Variants in LRP1B observed in about 807,000 individuals in gnomAD.
The protein encoded by LRP1B is low-density lipoprotein receptor-related protein 1B.
LRP1B carries 217 observed loss-of-function variants against 556.6 expected under a neutral mutation model. The observed-to-expected ratio is 0.39, with a 90% CI of 0.35 to 0.44. The LOEUF is 0.44. Ranked by LOEUF, LRP1B falls within the 20% of genes least tolerant of loss-of-function variation. LRP1B has a pLI of 1.00. For synonymous variants in LRP1B, 2,047 were observed against 1,865.8 expected (o/e 1.10, Z -2.50); for missense variants, 5,053 against 5,620.8 (o/e 0.90, Z 3.23).
chr2:141,913,315 G>C (rs1699951790), intron 1 of LRP1B, among the ~76,000 whole-genome samples: 1 of 152,172 alleles, frequency 6.6e-6, no homozygotes, highest in Non-Finnish European at 1.5e-5. Flanking sequence ...GAGACAGTGA[G>C]TTGCAGTCAA....
chr2:141,796,415 C>T (rs1695813517), intron 2 of LRP1B, among the ~76,000 whole-genome samples: 1 of 151,854 alleles, frequency 6.6e-6, no homozygotes, highest in Non-Finnish European at 1.5e-5. Flanking sequence ...AAACTGCTTT[C>T]TGGTTTAGGA....
chr2:140,481,920 A>G (rs1300324092), intron 59 of LRP1B, among the ~76,000 whole-genome samples: 1 of 152,088 alleles, frequency 6.6e-6, no homozygotes, highest in Non-Finnish European at 1.5e-5. Flanking sequence ...GTTCTTTCCT[A>G]GAGAGACCGT....
chr2:141,153,406 A>G lies in LRP1B; in HGVS notation c.1013+35015T>C, dbSNP rs1300734830. Among the ~76,000 whole-genome samples, 3 of 117,032 alleles carry G rather than the reference A, an allele frequency of 2.6e-5. No homozygotes were observed. In the Admixed American group the frequency reaches 3.2e-4, roughly 13 times the overall value. The allele number at this position is 117,032 out of a possible 152,430, so 76.8% of individuals were successfully genotyped here. On this transcript the variant is annotated intron_variant, in intron 7 of 90. Transcript: ENST00000389484. ...TATAAGCTATATATTTATATATATTATATATTAGCTATATATATTTATATA... is the reference window on the plus strand; with the variant it reads ...TATAAGCTATATATTTATATATATTGTATATTAGCTATATATATTTATATA...
intron 32 of LRP1B, among the ~76,000 whole-genome samples, chr2:140,798,798 G>C (rs529131037): frequency 6.6e-6 from 1 of 152,158 alleles, no homozygotes; most frequent in African/African-American, 2.4e-5. Context: ...ATCTCCTGGA[G>C]CTGAGCATCA....
chr2:141,782,673 G>C (rs570609223), intron 2 of LRP1B, among the ~76,000 whole-genome samples: 1 of 151,760 alleles, frequency 6.6e-6, no homozygotes, highest in South Asian at 2.1e-4. Flanking sequence ...TCGTGCAATA[G>C]TTAGCAAGTA....
intron 2 of LRP1B, among the ~76,000 whole-genome samples, chr2:141,799,416 T>A (rs35059568): frequency 6.6e-6 from 1 of 151,916 alleles, no homozygotes; most frequent in Admixed American, 6.6e-5. Context: ...CTGCTTGGTT[T>A]GAAAATGGAG....
intron 2 of LRP1B, among the ~76,000 whole-genome samples, chr2:141,622,150 C>T (rs1320525660): frequency 1.3e-5 from 2 of 152,130 alleles, no homozygotes; most frequent in Non-Finnish European, 2.9e-5. Context: ...CTTGGCCTCC[C>T]AAAGTACTGG....
At chr2:141,614,743 G>T (rs901183758) in intron 2 of LRP1B, among the ~76,000 whole-genome samples, 3 of 152,180 alleles carry the variant, frequency 2.0e-5, no homozygotes, top group Admixed American at 6.5e-5. Flanking sequence ...TTGACTCTGA[G>T]AGCTCTCAGA....
chr2:141,289,604 A>G (rs769498292), intron 3 of LRP1B, among the ~76,000 whole-genome samples: 5 of 152,112 alleles, frequency 3.3e-5, no homozygotes, highest in Non-Finnish European at 5.9e-5. Context: ...TGATCACAGG[A>G]GCAAAGGGAA....
chr2:141,253,132 C>T (rs868860379), intron 4 of LRP1B, among the ~76,000 whole-genome samples: 14 of 152,226 alleles, frequency 9.2e-5, no homozygotes, highest in Admixed American at 5.9e-4. Context: ...AAGCCAAACA[C>T]GTACGAATGG....
At chr2:142,060,644 GC>G in intron 1 of LRP1B, among the ~76,000 whole-genome samples, 1 of 151,978 alleles carries the variant, frequency 6.6e-6, no homozygotes, top group East Asian at 1.9e-4. Context: ...GCAATGAATG[GC>G]AGTGTTTGGA....
chr2:140,303,527 G>C (rs749746106), intron 83 of LRP1B, among the ~76,000 whole-genome samples: 3 of 151,900 alleles, frequency 2.0e-5, no homozygotes, highest in East Asian at 3.9e-4. Context: ...GATTACAGGC[G>C]TGAGACACCA....
Position 140,532,730 on chromosome 2 carries a change from C to T in LRP1B, c.7762+1291G>A, listed in dbSNP as rs573917418. Among the ~76,000 whole-genome samples the T allele has an allele frequency of 3.3e-3, 499 of 151,906 alleles. 4 individuals are homozygous for T. Among genetic ancestry groups the T allele is most frequent in the African/African-American group, 0.012 (486 of 41,432 alleles). ...TACCACTCTCTTATATGTAATCTGT[C>T]TGTGACTATATCAAATTACTTTCAG... On this transcript the variant is annotated intron_variant, in intron 47 of 90. Coordinates refer to ENST00000389484, the MANE Select transcript of LRP1B (RefSeq NM_018557.3).
intron 3 of LRP1B, among the ~76,000 whole-genome samples, chr2:141,357,543 T>A (rs560363221): frequency 3.3e-5 from 5 of 152,188 alleles, no homozygotes; most frequent in African/African-American, 1.2e-4. Flanking sequence ...TTTATAATTA[T>A]GATATCAAGA....
At chr2:142,068,924 A>G (rs1171525501) in intron 1 of LRP1B, among the ~76,000 whole-genome samples, 1 of 151,672 alleles carries the variant, frequency 6.6e-6, no homozygotes, top group African/African-American at 2.4e-5. Flanking sequence ...CATCCTTGCA[A>G]TGCATGAATA....
At chr2:140,887,767 A>G (rs1234275725) in intron 23 of LRP1B, among the ~76,000 whole-genome samples, 4 of 152,188 alleles carry the variant, frequency 2.6e-5, no homozygotes, top group African/African-American at 9.6e-5. Context: ...ACAAATGAAA[A>G]CATTACACCA....
intron 23 of LRP1B, among the ~76,000 whole-genome samples, chr2:140,891,193 G>A (rs999968671): frequency 6.6e-6 from 1 of 152,068 alleles, no homozygotes; most frequent in Non-Finnish European, 1.5e-5. Context: ...TAAATCTAGT[G>A]CTTTACAAGA....
intron 2 of LRP1B, among the ~76,000 whole-genome samples, chr2:141,628,037 C>A (rs955687352): frequency 6.6e-6 from 1 of 152,086 alleles, no homozygotes; most frequent in Non-Finnish European, 1.5e-5. Flanking sequence ...TTTGAAGATT[C>A]AAAGATAATC....
At chr2:140,363,161 T>C (rs1404085738) in intron 72 of LRP1B, among the ~76,000 whole-genome samples, 2 of 151,664 alleles carry the variant, frequency 1.3e-5, no homozygotes, top group Non-Finnish European at 3.0e-5. Flanking sequence ...ATTATTTTTA[T>C]TTGTCCAGCC....
Sources: allele counts gnomAD v4.1 joint callset (sites outside exome capture counted in the v4.1 genomes callset), GRCh38; gene constraint gnomAD v4.1.1; transcripts MANE v1.5; gene names NCBI Gene and HGNC (gene_info 2026-07-23, HGNC 2026-07-21).